The following NKAIN3 variants were observed in gnomAD, a reference collection of about 807,000 sequenced individuals.
NKAIN3 encodes sodium/potassium-transporting ATPase subunit beta-1-interacting protein 3.
Under a neutral mutation model 30.2 loss-of-function variants are expected in NKAIN3, and 25 were observed. That is an observed-to-expected ratio of 0.83 (90% confidence interval 0.60 to 1.16). NKAIN3 has a LOEUF of 1.16. NKAIN3 is among the 50% of genes most tolerant of loss of function. The probability of loss-of-function intolerance (pLI) is 0.00; values close to 1 mark genes in which losing one functional copy is unlikely to be tolerated. For synonymous variants in NKAIN3, 91 were observed against 89.6 expected (o/e 1.02, Z -0.09); for missense variants, 225 against 254.1 (o/e 0.89, Z 0.78).
At chr8:62,375,465 A>G (rs1003336575) in intron 1 of NKAIN3, among the ~76,000 whole-genome samples, 4 of 152,198 alleles carry the variant, frequency 2.6e-5, no homozygotes, top group African/African-American at 9.6e-5. Flanking sequence ...CCTGAGAGTC[A>G]GAGAGATCTG....
chr8:62,926,512 C>G (rs1822449211), intron 5 of NKAIN3, among the ~76,000 whole-genome samples: 1 of 150,824 alleles, frequency 6.6e-6, no homozygotes, highest in East Asian at 1.9e-4. Context: ...GCCTCCCACT[C>G]ATTCTTCATC....
At chr8:62,956,581 G>A (rs530737386) in intron 6 of NKAIN3, among the ~76,000 whole-genome samples, 2 of 152,240 alleles carry the variant, frequency 1.3e-5, no homozygotes, top group South Asian at 4.2e-4. Flanking sequence ...AGGGGAAGTG[G>A]GGTTGGGATA....
At chr8:62,788,760 C>T (rs985150067) in intron 4 of NKAIN3, among the ~76,000 whole-genome samples, 8 of 151,566 alleles carry the variant, frequency 5.3e-5, no homozygotes, top group African/African-American at 1.7e-4. Flanking sequence ...TATGGCTAGC[C>T]AGTTTTCCCA....
At chr8:62,652,159 G>T (rs1812641670) in intron 3 of NKAIN3, among the ~76,000 whole-genome samples, 1 of 152,016 alleles carries the variant, frequency 6.6e-6, no homozygotes, top group East Asian at 1.9e-4. Flanking sequence ...ACTTCCAAAT[G>T]CCATCATCTT....
intron 4 of NKAIN3, among the ~76,000 whole-genome samples, chr8:62,827,129 G>T (rs1340092172): frequency 1.3e-5 from 2 of 152,194 alleles, no homozygotes; most frequent in African/African-American, 4.8e-5. Flanking sequence ...AGAGATAGGA[G>T]CTTGGCATGT....
intron 4 of NKAIN3, among the ~76,000 whole-genome samples, chr8:62,751,328 T>C (rs1816276563): frequency 6.6e-6 from 1 of 152,220 alleles, no homozygotes; most frequent in African/African-American, 2.4e-5. Flanking sequence ...TTAATACATA[T>C]ACTTGGTTCG....
At chr8:62,377,732 C>T (rs1306152373) in intron 1 of NKAIN3, among the ~76,000 whole-genome samples, 1 of 152,136 alleles carries the variant, frequency 6.6e-6, no homozygotes. Context: ...GTCATTTCCC[C>T]TGCTTGCACT....
chr8:62,965,411 G>A lies in NKAIN3; in HGVS notation c.*4G>A. 1 of 985,764 alleles carries A rather than the reference G, an allele frequency of 1.0e-6. No homozygotes were observed. Among genetic ancestry groups the A allele is most frequent in the Non-Finnish European group, 1.2e-6 (1 of 829,910 alleles). 61.1% of individuals were successfully genotyped at this position (985,764 alleles called of 1,614,324 possible). ...GCGGCTGCTGAACTTGACTTAGGGA[G>A]CAAAGGACCATTGACTGCGCGCCTC... On this transcript the variant is annotated 3_prime_UTR_variant, in exon 7 of 7. Coordinates refer to ENST00000623646, the MANE Select transcript of NKAIN3 (RefSeq NM_001304533.3).
intron 4 of NKAIN3, among the ~76,000 whole-genome samples, chr8:62,846,422 T>C (rs185053128): frequency 1.3e-4 from 20 of 152,228 alleles, no homozygotes; most frequent in Admixed American, 1.2e-3. Context: ...GATTATTCCA[T>C]CACCTAGGTA....
chr8:62,863,270 CTATAGGTTTCTGCTGTG>C (rs1337927891), intron 4 of NKAIN3: 1 of 1,554,830 alleles, frequency 6.4e-7, no homozygotes, highest in East Asian at 2.3e-5. Flanking sequence ...GATATTTTTC[CTATAGGTTTCTGCTGTG>C]GAGCCGTACT....
At chr8:62,597,312 A>G (rs1237366227) in intron 3 of NKAIN3, among the ~76,000 whole-genome samples, 1 of 152,046 alleles carries the variant, frequency 6.6e-6, no homozygotes, top group East Asian at 1.9e-4. Context: ...ATCTTACTAA[A>G]TGGGTATCGG....
In NKAIN3 at chr8:62,707,146, G is replaced by A. The variant is rs183255871; in HGVS notation, c.274-39786G>A. 1.5e-3 allele frequency among the ~76,000 whole-genome samples: 222 copies of A among 151,938 alleles called. 1 individual carries two copies. Among genetic ancestry groups the A allele is most frequent in the African/African-American group, 5.2e-3 (214 of 41,426 alleles). On this transcript the variant is annotated intron_variant, in intron 3 of 6. Transcript: ENST00000623646. ...TCATTGATTGATGAGCATTTTGGTT[G>A]GATCCACAATTTTGCAATTGTGAAT...
rs1371002586 is a variant in NKAIN3, at chr8:62,964,963, A to C, written c.604-391A>C. Among the ~76,000 whole-genome samples the C allele has an allele frequency of 4.6e-5, 7 of 152,286 alleles. No individual in the cohort carries two copies. The East Asian group carries it at 1.4e-3, about 29-fold the overall frequency. On this transcript the variant is annotated intron_variant, in intron 6 of 6. Coordinates refer to ENST00000623646, the MANE Select transcript of NKAIN3 (RefSeq NM_001304533.3). ...TCAATGATTGGGTGTTATGAAAGCAAGAGCAGGATGATCTTGAGCACTTAA... is the reference window on the plus strand; with the variant it reads ...TCAATGATTGGGTGTTATGAAAGCACGAGCAGGATGATCTTGAGCACTTAA...
intron 4 of NKAIN3, among the ~76,000 whole-genome samples, chr8:62,829,883 T>C (rs976756754): frequency 6.6e-6 from 1 of 152,158 alleles, no homozygotes; most frequent in Non-Finnish European, 1.5e-5. Context: ...CCATAAGGTA[T>C]TCTTTTCACT....
intron 3 of NKAIN3, among the ~76,000 whole-genome samples, chr8:62,621,078 A>T (rs968382948): frequency 6.6e-6 from 1 of 152,208 alleles, no homozygotes; most frequent in Non-Finnish European, 1.5e-5. Flanking sequence ...TGGGTAAATT[A>T]AGAGACAAGT....
intron 1 of NKAIN3, among the ~76,000 whole-genome samples, chr8:62,357,714 T>C (rs1212390677): frequency 6.6e-6 from 1 of 152,168 alleles, no homozygotes; most frequent in Non-Finnish European, 1.5e-5. Flanking sequence ...CCTGTTTCTC[T>C]CTCTGCCTTT....
chr8:62,417,137 C>A (rs902223643), intron 1 of NKAIN3, among the ~76,000 whole-genome samples: 1 of 151,926 alleles, frequency 6.6e-6, no homozygotes, highest in Non-Finnish European at 1.5e-5. Context: ...CCCTTGCCAG[C>A]CTCTGATAAC....
chr8:62,296,900 A>G (rs1048299003), intron 1 of NKAIN3, among the ~76,000 whole-genome samples: 3 of 151,596 alleles, frequency 2.0e-5, no homozygotes, highest in African/African-American at 7.3e-5. Flanking sequence ...CTATTTTTCT[A>G]CTTCTGGTGC....
intron 1 of NKAIN3, among the ~76,000 whole-genome samples, chr8:62,293,213 T>A (rs1319033884): frequency 1.3e-5 from 2 of 152,232 alleles, no homozygotes; most frequent in Non-Finnish European, 2.9e-5. Context: ...TTATTACCAA[T>A]TGTCTGAAGC....
Sources: gnomAD v4.1 joint callset for allele counts (sites outside exome capture counted in the v4.1 genomes callset) on GRCh38, gnomAD v4.1.1 for gene constraint, MANE v1.5 for transcripts, NCBI Gene and HGNC (gene_info 2026-07-23, HGNC 2026-07-21) for gene names.